The following TBC1D22A variants were observed in gnomAD, a reference collection of about 807,000 sequenced individuals.
TBC1D22A encodes the protein putative GTPase activator.
A neutral mutation model predicts 60.2 loss-of-function variants in TBC1D22A; 38 were observed. That is an observed-to-expected ratio of 0.63 (90% CI 0.49 to 0.83). The LOEUF (loss-of-function observed/expected upper bound fraction) is 0.83, where lower values mean the gene tolerates loss of function less well. Among genes scored for constraint, TBC1D22A ranks in the 40% least tolerant of loss-of-function variants. TBC1D22A has a pLI of 0.00. For synonymous variants in TBC1D22A, 302 were observed against 281.7 expected (o/e 1.07, Z -0.72); for missense variants, 628 against 701.0 (o/e 0.90, Z 1.18).
rs11268390 is a variant in TBC1D22A at position 46,904,142 on chromosome 22, T to TCTACCTACCTACCTAC, written c.901-7914_901-7899dup. 7.1e-4 allele frequency among the ~76,000 whole-genome samples: 95 copies of TCTACCTACCTACCTAC among 134,566 alleles called. 1 individual carries two copies. Among genetic ancestry groups the TCTACCTACCTACCTAC allele is most frequent in the Middle Eastern group, 3.7e-3 (1 of 270 alleles). 88.3% of individuals were successfully genotyped at this position (134,566 alleles called of 152,430 possible). A position where few individuals can be genotyped will look rare whatever the true frequency, so the allele number is the denominator to read the frequency against. Reference sequence around the variant, plus strand: ...ATCTATCTATCTATCTATCTATCTATCTACCTACCTACCTACCTACCTACC... The same window carrying TCTACCTACCTACCTAC: ...ATCTATCTATCTATCTATCTATCTATCTACCTACCTACCTACCTACCTACCTACCTACCTACCTACC... On this transcript the variant is annotated intron_variant, in intron 7 of 12. Coordinates refer to ENST00000337137, the MANE Select transcript of TBC1D22A (RefSeq NM_014346.5).
chr22:46,904,793 GAGAC>G (rs2069335248), intron 7 of TBC1D22A, among the ~76,000 whole-genome samples: 2 of 141,854 alleles, frequency 1.4e-5, no homozygotes, highest in Middle Eastern at 3.4e-3. Flanking sequence ...TTTTTTTTCT[GAGAC>G]AGAGTCTTAG....
In TBC1D22A at chr22:46,941,791, AATATATAGAAT is replaced by A. The variant is rs551626059; in HGVS notation, c.1015+29631_1015+29641del. ...GAATATGTATACGGAATATATATAG[AATATATAGAAT>A]ATATATAGAATATATATAGAATATA... On this transcript the variant is annotated intron_variant, in intron 8 of 12. Transcript: ENST00000337137. Among the ~76,000 whole-genome samples the A allele has an allele frequency of 1.6e-3, 217 of 139,742 alleles. 7 individuals carry two copies. Among genetic ancestry groups the A allele is most frequent in the Non-Finnish European group, 2.4e-3 (153 of 64,750 alleles). 91.7% of individuals were successfully genotyped at this position (139,742 alleles called of 152,430 possible).
At chr22:47,116,704 CAGCCTGGG>C (rs2066072051) in intron 12 of TBC1D22A, 1 of 152,370 alleles carries the variant, frequency 6.6e-6, no homozygotes, top group African/African-American at 2.4e-5. Context: ...CCGAGCTGCC[CAGCCTGGG>C]AGCCTTCACC....
chr22:47,077,644 T>C (rs2064280828), intron 11 of TBC1D22A, among the ~76,000 whole-genome samples: 1 of 152,194 alleles, frequency 6.6e-6, no homozygotes, highest in Non-Finnish European at 1.5e-5. Flanking sequence ...AATGAGGTGC[T>C]CACACTCTGG....
intron 8 of TBC1D22A, among the ~76,000 whole-genome samples, chr22:46,940,193 C>G (rs1213950533): frequency 6.6e-6 from 1 of 152,176 alleles, no homozygotes; most frequent in African/African-American, 2.4e-5. Context: ...AATGCTGACA[C>G]AAAGACACAA....
At position 46,996,397 on chromosome 22, in the gene TBC1D22A, T is replaced by C. The variant is rs554579095; in HGVS notation, c.1126-1237T>C. Among the ~76,000 whole-genome samples, 5 of 152,366 alleles carry C rather than the reference T, an allele frequency of 3.3e-5. No individual in the cohort carries two copies. In the East Asian group the frequency reaches 9.6e-4, roughly 29 times the overall value. Reference sequence around the variant, plus strand: ...TGTGCTCACTAAAGAGTTGGAAGCGTAGGCCAGAACCCACAGGAGCCCCAG... The same window carrying C: ...TGTGCTCACTAAAGAGTTGGAAGCGCAGGCCAGAACCCACAGGAGCCCCAG... On this transcript the variant is annotated intron_variant, in intron 9 of 12. Transcript: ENST00000337137.
At chr22:47,082,673 A>G (rs1191188549) in intron 11 of TBC1D22A, among the ~76,000 whole-genome samples, 1 of 152,248 alleles carries the variant, frequency 6.6e-6, no homozygotes, top group Non-Finnish European at 1.5e-5. Context: ...TAAAACCACA[A>G]ACAAGGTACT....
intron 4 of TBC1D22A, among the ~76,000 whole-genome samples, chr22:46,835,777 A>G (rs773667220): frequency 6.6e-6 from 1 of 152,192 alleles, no homozygotes; most frequent in Non-Finnish European, 1.5e-5. Context: ...TCTATACTGA[A>G]ACACAATATA....
intron 1 of TBC1D22A, chr22:46,774,256 C>A (rs1466305039): frequency 9.1e-6 from 9 of 985,316 alleles, no homozygotes; most frequent in East Asian, 1.1e-4. Context: ...TGTTCTAGGT[C>A]CCCCCTGGTG....
At chr22:47,033,959 C>A (rs2062571988) in intron 10 of TBC1D22A, among the ~76,000 whole-genome samples, 1 of 152,150 alleles carries the variant, frequency 6.6e-6, no homozygotes, top group Non-Finnish European at 1.5e-5. Context: ...CTGGCACCCC[C>A]TTTGGTCTCT....
intron 7 of TBC1D22A, among the ~76,000 whole-genome samples, chr22:46,903,228 G>A (rs2069138930): frequency 6.6e-6 from 1 of 152,178 alleles, no homozygotes. Flanking sequence ...GCCGAGGGTT[G>A]AGGTGAAGTG....
chr22:46,820,914 T>C (rs1344960492), intron 4 of TBC1D22A, among the ~76,000 whole-genome samples: 2 of 152,234 alleles, frequency 1.3e-5, no homozygotes, highest in African/African-American at 2.4e-5. Context: ...TGCTGCTGTA[T>C]TGGTTGCTTA....
At chr22:47,104,056 C>T (rs1419527872) in intron 11 of TBC1D22A, among the ~76,000 whole-genome samples, 1 of 152,150 alleles carries the variant, frequency 6.6e-6, no homozygotes, top group African/African-American at 2.4e-5. Context: ...CCTGTAATCT[C>T]AGCACTTTGG....
chr22:46,918,883 CCG>C (rs1286197851), intron 8 of TBC1D22A, among the ~76,000 whole-genome samples: 1 of 152,266 alleles, frequency 6.6e-6, no homozygotes, highest in East Asian at 1.9e-4. Context: ...TCCGAAGAAC[CCG>C]CGTGCCCGTC....
At chr22:46,926,346 C>T (rs1362825594) in intron 8 of TBC1D22A, among the ~76,000 whole-genome samples, 1 of 152,000 alleles carries the variant, frequency 6.6e-6, no homozygotes, top group African/African-American at 2.4e-5. Flanking sequence ...GCTAGACTGA[C>T]CAGAGAGAGA....
At chr22:46,993,850 C>G (rs770373030) in intron 9 of TBC1D22A, among the ~76,000 whole-genome samples, 5 of 152,226 alleles carry the variant, frequency 3.3e-5, no homozygotes, top group African/African-American at 9.6e-5. Flanking sequence ...GGCCCCAGAG[C>G]GGGGCCTTCT....
At chr22:47,102,277 G>A (rs148049094) in intron 11 of TBC1D22A, among the ~76,000 whole-genome samples, 2 of 152,296 alleles carry the variant, frequency 1.3e-5, no homozygotes, top group Non-Finnish European at 2.9e-5. Context: ...GTGGCCTTGC[G>A]CTACGCACCT....
intron 11 of TBC1D22A, among the ~76,000 whole-genome samples, chr22:47,104,718 A>G (rs1450776726): frequency 1.3e-5 from 2 of 151,098 alleles, no homozygotes; most frequent in Admixed American, 6.6e-5. Context: ...AAAAAGATTC[A>G]ATAGGAAACA....
intron 6 of TBC1D22A, 49 bp downstream of exon 6, chr22:46,891,443 G>C: frequency 6.5e-7 from 1 of 1,543,618 alleles, no homozygotes; most frequent in Non-Finnish European, 8.7e-7. Flanking sequence ...ACTTTGCTTT[G>C]CTGTGATTTA....
Sources: allele counts gnomAD v4.1 joint callset (sites outside exome capture counted in the v4.1 genomes callset), GRCh38; gene constraint gnomAD v4.1.1; transcripts MANE v1.5; gene names NCBI Gene and HGNC (gene_info 2026-07-23, HGNC 2026-07-21).